PPM1B: variants seen among roughly 807,000 people sequenced by gnomAD.
PPM1B encodes protein phosphatase 1B.
In PPM1B, 22 loss-of-function variants were observed where a neutral mutation model predicts 43.0. The observed-to-expected ratio is 0.51, with a 90% confidence interval of 0.37 to 0.73. PPM1B has a LOEUF of 0.73. Among genes scored for constraint, PPM1B ranks in the 30% least tolerant of loss-of-function variants. The pLI, the probability that PPM1B is intolerant of heterozygous loss-of-function variation, is 0.00. For missense variants in PPM1B, 632 were observed against 584.2 expected (o/e 1.08, Z -0.84); for synonymous variants, 217 against 197.9 (o/e 1.10, Z -0.81).
chr2:44,169,586 C>T (rs187485916), intron 1 of PPM1B, among the ~76,000 whole-genome samples: 12 of 152,382 alleles, frequency 7.9e-5, no homozygotes, highest in East Asian at 5.8e-4. Context: ...CTTCAGTCTG[C>T]AAGCATCTCT....
intron 1 of PPM1B, among the ~76,000 whole-genome samples, chr2:44,177,948 G>A (rs527470903): frequency 2.1e-4 from 30 of 142,688 alleles, no homozygotes; most frequent in African/African-American, 7.4e-4. Flanking sequence ...AAGACAGTCC[G>A]GCTCTGTTGC....
intron 5 of PPM1B, among the ~76,000 whole-genome samples, chr2:44,221,887 C>T (rs1669992515): frequency 6.6e-6 from 1 of 152,030 alleles, no homozygotes; most frequent in Non-Finnish European, 1.5e-5. Context: ...AAGTTCTTTA[C>T]TAAATTTGTT....
intron 2 of PPM1B, among the ~76,000 whole-genome samples, chr2:44,206,238 GT>G (rs1246859087): frequency 6.6e-6 from 1 of 152,150 alleles, no homozygotes; most frequent in African/African-American, 2.4e-5. Context: ...AAAAAAAAAT[GT>G]TTTATTTATG....
chr2:44,237,622 G>A (rs1670653871), downstream of PPM1B, among the ~76,000 whole-genome samples: 1 of 152,068 alleles, frequency 6.6e-6, no homozygotes, highest in African/African-American at 2.4e-5. Context: ...TGAAAGACTG[G>A]GCTTTACTTC....
At chr2:44,182,947 A>C (rs542131040) in intron 1 of PPM1B, among the ~76,000 whole-genome samples, 2 of 152,290 alleles carry the variant, frequency 1.3e-5, no homozygotes, top group Admixed American at 1.3e-4. Flanking sequence ...CAGCACTATC[A>C]GATCTTGTTG....
intron 5 of PPM1B, among the ~76,000 whole-genome samples, chr2:44,228,169 G>A (rs1418116442): frequency 1.4e-5 from 2 of 142,642 alleles, no homozygotes; most frequent in South Asian, 2.2e-4. Flanking sequence ...TGATCCACCC[G>A]CCTCAGCCTA....
intron 1 of PPM1B, among the ~76,000 whole-genome samples, chr2:44,200,451 A>G (rs1317430435): frequency 6.6e-6 from 1 of 152,200 alleles, no homozygotes; most frequent in Non-Finnish European, 1.5e-5. Context: ...TTGTCAGTCA[A>G]CACTGGGTAG....
At chr2:44,174,687 G>A (rs1253666626) in intron 1 of PPM1B, among the ~76,000 whole-genome samples, 1 of 152,236 alleles carries the variant, frequency 6.6e-6, no homozygotes. Flanking sequence ...TTGAAGGCTT[G>A]CGAAGCGCTT....
chr2:44,217,736 G>A, intron 3 of PPM1B: 1 of 285,156 alleles, frequency 3.5e-6, no homozygotes. Flanking sequence ...AATAATGCTG[G>A]AATGAACATA....
downstream of PPM1B, among the ~76,000 whole-genome samples, chr2:44,236,427 A>AAAAAAAAAAAAAAAAT (rs1670615825): frequency 1.3e-5 from 2 of 148,530 alleles, no homozygotes; most frequent in African/African-American, 2.5e-5. Flanking sequence ...AAAAAAAAAA[A>AAAAAAAAAAAAAAAAT]GTTGTAATGA....
chr2:44,238,710 G>GAA (rs200252877), downstream of PPM1B, among the ~76,000 whole-genome samples: 1 of 139,356 alleles, frequency 7.2e-6, no homozygotes, highest in African/African-American at 2.6e-5. Context: ...TCAAAAAAAG[G>GAA]AAAAAAAAAA....
At chr2:44,198,734 G>T (rs1668779681) in intron 1 of PPM1B, among the ~76,000 whole-genome samples, 1 of 152,146 alleles carries the variant, frequency 6.6e-6, no homozygotes, top group East Asian at 1.9e-4. Flanking sequence ...TGTCTCTGCA[G>T]GGGCTTGGTT....
chr2:44,241,006 AT>A (rs113990864), intron 5 of PPM1B, among the ~76,000 whole-genome samples: 6,380 of 133,598 alleles, frequency 0.048, 585 homozygotes, highest in African/African-American at 0.15. Context: ...CTTTATTTTT[AT>A]TTTTTTTTTT....
At chr2:44,217,744 A>G (rs1669788045) in intron 3 of PPM1B, 3 of 311,596 alleles carry the variant, frequency 9.6e-6, no homozygotes, top group Non-Finnish European at 1.8e-5. Flanking sequence ...TGGAATGAAC[A>G]TACATATGCA....
At chr2:44,239,833 C>A (rs554406933) in intron 5 of PPM1B, among the ~76,000 whole-genome samples, 1 of 151,988 alleles carries the variant, frequency 6.6e-6, no homozygotes, top group African/African-American at 2.4e-5. Flanking sequence ...GATTCCCATT[C>A]CCCAAATATG....
chr2:44,230,094 T>C, intron 5 of PPM1B: 5 of 1,509,816 alleles, frequency 3.3e-6, no homozygotes, highest in Non-Finnish European at 4.4e-6. Context: ...AGCCAAATAT[T>C]GTTTAAGTAA....
At position 44,241,288 on chromosome 2, in the gene PPM1B, C is replaced by A; in HGVS notation, n.1547-2940C>A. On this transcript the variant is annotated intron_variant and non_coding_transcript_variant, in intron 5 of 5. Transcript: ENST00000378540. The stretch of plus-strand genomic sequence containing the variant: ...AAAGTGCTGGGATTACAGGTGTGAG[C>A]CACCGTGCCCGGCCAGGAAGCATCT... 1.4e-5 allele frequency among the ~76,000 whole-genome samples: 2 copies of A among 141,912 alleles called. 1 individual carries two copies. The highest frequency in any genetic ancestry group is 3.1e-5 in the Non-Finnish European group (2 of 64,140). The allele number at this position is 141,912 out of a possible 152,430, so 93.1% of individuals were successfully genotyped here.
intron 1 of PPM1B, among the ~76,000 whole-genome samples, chr2:44,199,080 A>AACCC (rs1668797195): frequency 6.6e-6 from 1 of 152,126 alleles, no homozygotes; most frequent in South Asian, 2.1e-4. Context: ...AACATAGTGA[A>AACCC]ACCCCATCTC....
At chr2:44,226,036 T>C (rs1670194981) in intron 5 of PPM1B, among the ~76,000 whole-genome samples, 1 of 150,036 alleles carries the variant, frequency 6.7e-6, no homozygotes, top group African/African-American at 2.5e-5. Context: ...AGTGCAGTGG[T>C]GCCATCTCAG....
Sources: allele counts gnomAD v4.1 joint callset (sites outside exome capture counted in the v4.1 genomes callset), GRCh38; gene constraint gnomAD v4.1.1; transcripts MANE v1.5; gene names NCBI Gene and HGNC (gene_info 2026-07-23, HGNC 2026-07-21).